Variants in DSCAML1 observed in about 807,000 individuals in gnomAD.
The protein encoded by DSCAML1 is cell adhesion molecule DSCAML1.
DSCAML1 carries 38 observed loss-of-function variants against 200.5 expected under a neutral mutation model. The observed-to-expected ratio is 0.19, with a 90% CI of 0.15 to 0.25. The LOEUF is 0.25. DSCAML1 is among the 10% of genes least tolerant of loss of function. The pLI, the probability that DSCAML1 is intolerant of heterozygous loss-of-function variation, is 1.00. For missense variants in DSCAML1, 2,223 were observed against 2,858.8 expected, an observed-to-expected ratio of 0.78 and a Z score of 5.07; for synonymous variants, 1,215 against 1,165.0, an observed-to-expected ratio of 1.04 and a Z score of -0.87.
At chr11:117,445,014 T>C (rs1160131631) in intron 20 of DSCAML1, among the ~76,000 whole-genome samples, 1 of 152,052 alleles carries the variant, frequency 6.6e-6, no homozygotes, top group Non-Finnish European at 1.5e-5. Flanking sequence ...CAGAGGGAGC[T>C]AATAATTAGT....
chr11:117,621,898 T>C (rs760134351), intron 3 of DSCAML1, among the ~76,000 whole-genome samples: 1 of 152,202 alleles, frequency 6.6e-6, no homozygotes, highest in Non-Finnish European at 1.5e-5. Context: ...GATTGAAAAG[T>C]GGGATTGTCA....
chr11:117,534,573 G>C (rs978350459), intron 3 of DSCAML1, among the ~76,000 whole-genome samples: 1 of 152,164 alleles, frequency 6.6e-6, no homozygotes, highest in African/African-American at 2.4e-5. Context: ...GATGCCCTTT[G>C]AATTTTCTTC....
chr11:117,652,045 C>A (rs1038104981), intron 3 of DSCAML1, among the ~76,000 whole-genome samples: 4 of 152,342 alleles, frequency 2.6e-5, no homozygotes, highest in Admixed American at 2.6e-4. Context: ...CTTGGCCTTG[C>A]CTCCTCCTTG....
chr11:117,578,235 C>CCAA (rs1263108249), intron 3 of DSCAML1, among the ~76,000 whole-genome samples: 8 of 18,312 alleles, frequency 4.4e-4, no homozygotes, highest in Admixed American at 1.5e-3. Context: ...AACTCTGTCT[C>CCAA]GAAAAAAAAA....
At chr11:117,622,897 G>C (rs1302317120) in intron 3 of DSCAML1, among the ~76,000 whole-genome samples, 4 of 152,164 alleles carry the variant, frequency 2.6e-5, no homozygotes, top group African/African-American at 4.8e-5. Context: ...TATGTTTACT[G>C]AGTCCATACT....
At chr11:117,434,956 T>C (rs1437913948) in intron 27 of DSCAML1, among the ~76,000 whole-genome samples, 2 of 152,254 alleles carry the variant, frequency 1.3e-5, no homozygotes, top group Non-Finnish European at 2.9e-5. Flanking sequence ...CATTAGATGA[T>C]AAACTCTGTA....
chr11:117,558,715 C>A (rs950639871), intron 3 of DSCAML1, among the ~76,000 whole-genome samples: 2 of 152,122 alleles, frequency 1.3e-5, no homozygotes, highest in African/African-American at 2.4e-5. Flanking sequence ...CCAAGCTCCC[C>A]GAAAAAGAAA....
intron 3 of DSCAML1, among the ~76,000 whole-genome samples, chr11:117,584,345 C>A (rs1162829880): frequency 6.6e-6 from 1 of 152,202 alleles, no homozygotes; most frequent in Non-Finnish European, 1.5e-5. Context: ...TCCTTCCTAT[C>A]AGCTTCTCAG....
intron 3 of DSCAML1, chr11:117,611,065 A>G (rs2051681619): frequency 6.6e-6 from 1 of 152,212 alleles, no homozygotes; most frequent in Admixed American, 6.5e-5. Context: ...GGCCAGCACA[A>G]TTAGAAAAGA....
At position 117,783,797 on chromosome 11, in the gene DSCAML1, A is replaced by C. The variant is rs998970158; in HGVS notation, c.47-2987T>G. ...ATAAAACCACAGAATATGGTTTTTC[A>C]GGCTGGGTACTTTTCCCAACCCTTC... On this transcript the variant is annotated intron_variant, in intron 1 of 32. Coordinates refer to ENST00000651296, the MANE Select transcript of DSCAML1 (RefSeq NM_020693.4). Among the ~76,000 whole-genome samples the C allele has an allele frequency of 5.3e-5, 8 of 152,140 alleles. No individual in the cohort carries two copies. The South Asian group carries it at 8.3e-4, about 16-fold the overall frequency.
At chr11:117,760,414 G>A (rs1204401494) in intron 3 of DSCAML1, among the ~76,000 whole-genome samples, 2 of 152,196 alleles carry the variant, frequency 1.3e-5, no homozygotes, top group Admixed American at 6.5e-5. Context: ...ACATATGTAT[G>A]CATCCAGAAA....
intron 3 of DSCAML1, among the ~76,000 whole-genome samples, chr11:117,626,879 G>A (rs2052057656): frequency 6.6e-6 from 1 of 152,098 alleles, no homozygotes; most frequent in South Asian, 2.1e-4. Flanking sequence ...TATGCTCCAC[G>A]GTGCCTGCCA....
intron 14 of DSCAML1, among the ~76,000 whole-genome samples, chr11:117,474,239 T>G (rs1013242072): frequency 6.6e-6 from 1 of 152,138 alleles, no homozygotes; most frequent in Non-Finnish European, 1.5e-5. Flanking sequence ...TCCTGGCTTT[T>G]TGGGTGTATT....
At chr11:117,735,928 G>C (rs2137828489) in intron 3 of DSCAML1, among the ~76,000 whole-genome samples, 1 of 152,330 alleles carries the variant, frequency 6.6e-6, no homozygotes, top group African/African-American at 2.4e-5. Context: ...CAGAGCCACA[G>C]TTCCTAGTGC....
At chr11:117,704,533 C>A (rs910296493) in intron 3 of DSCAML1, among the ~76,000 whole-genome samples, 1 of 152,128 alleles carries the variant, frequency 6.6e-6, no homozygotes, top group Non-Finnish European at 1.5e-5. Context: ...GTTTCCCAAC[C>A]CGGACCATCA....
chr11:117,692,213 G>T (rs1050726706), intron 3 of DSCAML1, among the ~76,000 whole-genome samples: 5 of 151,972 alleles, frequency 3.3e-5, no homozygotes, highest in African/African-American at 1.2e-4. Flanking sequence ...CTGCTTGGCC[G>T]CCTCCTCCTC....
chr11:117,609,199 A>G (rs926752653), intron 3 of DSCAML1, among the ~76,000 whole-genome samples: 6 of 151,368 alleles, frequency 4.0e-5, no homozygotes, highest in African/African-American at 1.5e-4. Flanking sequence ...ACCCTATCTC[A>G]ATTTAAAAAA....
At chr11:117,553,047 T>G (rs2050496360) in intron 3 of DSCAML1, among the ~76,000 whole-genome samples, 1 of 152,170 alleles carries the variant, frequency 6.6e-6, no homozygotes, top group Admixed American at 6.5e-5. Flanking sequence ...CTGTTCTGGG[T>G]GATGAGATCA....
At chr11:117,485,768 AG>A (rs567647024) in intron 11 of DSCAML1, among the ~76,000 whole-genome samples, 88 of 152,328 alleles carry the variant, frequency 5.8e-4, no homozygotes, top group Admixed American at 1.9e-3. Context: ...AGAGGAAAAA[AG>A]CCTAGGTCTG....
Sources: gnomAD v4.1 joint callset for allele counts (sites outside exome capture counted in the v4.1 genomes callset) on GRCh38, gnomAD v4.1.1 for gene constraint, MANE v1.5 for transcripts, NCBI Gene and HGNC (gene_info 2026-07-23, HGNC 2026-07-21) for gene names.